Variants in EYS observed in about 807,000 individuals in gnomAD.
EYS encodes protein eyes shut homolog.
Under a neutral mutation model 282.1 loss-of-function variants are expected in EYS, and 250 were observed. The ratio of observed to expected loss-of-function variants is 0.89; its 90% CI spans 0.80 to 0.98. EYS has a LOEUF of 0.98. Among genes scored for constraint, EYS ranks in the 50% least tolerant of loss-of-function variants. EYS has a pLI of 0.00. For missense variants in EYS, 4,016 were observed against 3,709.0 expected, an observed-to-expected ratio of 1.08 and a Z score of -2.15; for synonymous variants, 1,355 against 1,282.9, an observed-to-expected ratio of 1.06 and a Z score of -1.20.
intron 29 of EYS, among the ~76,000 whole-genome samples, chr6:64,333,954 G>A (rs753692708): frequency 1.2e-4 from 19 of 152,138 alleles, no homozygotes; most frequent in African/African-American, 2.7e-4. Context: ...TACCTTGCCC[G>A]AATTTGCTAC....
chr6:64,131,702 C>T (rs905478645), intron 31 of EYS, among the ~76,000 whole-genome samples: 22 of 152,200 alleles, frequency 1.4e-4, no homozygotes, highest in African/African-American at 5.1e-4. Flanking sequence ...AAGAAGTAGT[C>T]GCTTACATTC....
intron 2 of EYS, among the ~76,000 whole-genome samples, chr6:65,581,661 T>C (rs986757967): frequency 6.6e-6 from 1 of 152,112 alleles, no homozygotes; most frequent in African/African-American, 2.4e-5. Flanking sequence ...ACCAAAATCC[T>C]TGTAATACTT....
intron 31 of EYS, among the ~76,000 whole-genome samples, chr6:64,132,883 A>G (rs1774030167): frequency 6.6e-6 from 1 of 152,036 alleles, no homozygotes; most frequent in Non-Finnish European, 1.5e-5. Flanking sequence ...TAAATTTTTC[A>G]TATAAAAATC....
Position 63,766,095 on chromosome 6 carries a change from A to G in EYS, c.7899-3462T>C, listed in dbSNP as rs1043391857. On this transcript the variant is annotated intron_variant, in intron 40 of 42. Coordinates refer to ENST00000503581, the MANE Select transcript of EYS (RefSeq NM_001142800.2). Reference sequence around the variant, plus strand: ...CTTAGCATATTTTTTTTGCTACTAGAAAAGGGGCCAGCAACCTTTTTCTGT... The same window carrying G: ...CTTAGCATATTTTTTTTGCTACTAGGAAAGGGGCCAGCAACCTTTTTCTGT... Among the ~76,000 whole-genome samples the G allele has an allele frequency of 2.6e-5, 4 of 152,036 alleles. No homozygotes were observed. In the East Asian group the frequency reaches 5.8e-4, roughly 22 times the overall value.
intron 29 of EYS, among the ~76,000 whole-genome samples, chr6:64,343,744 T>G (rs1020975000): frequency 1.3e-5 from 2 of 152,040 alleles, no homozygotes; most frequent in Non-Finnish European, 2.9e-5. Flanking sequence ...TAAAAAACCC[T>G]TCAAAAAATC....
intron 37 of EYS, among the ~76,000 whole-genome samples, chr6:63,805,629 C>A (rs1324251340): frequency 6.6e-6 from 1 of 152,176 alleles, no homozygotes; most frequent in Non-Finnish European, 1.5e-5. Flanking sequence ...TGTGTTCCCA[C>A]GCAAACCTCA....
chr6:65,175,832 C>T (rs993501101), intron 12 of EYS, among the ~76,000 whole-genome samples: 2 of 151,344 alleles, frequency 1.3e-5, no homozygotes, highest in South Asian at 2.1e-4. Context: ...AGAACCATAA[C>T]CTTTGTAGAA....
chr6:63,848,694 AG>A (rs1562058358), intron 36 of EYS, among the ~76,000 whole-genome samples: 1 of 152,130 alleles, frequency 6.6e-6, no homozygotes, highest in East Asian at 1.9e-4. Context: ...CCCTCAGACC[AG>A]GAGATTCTCT....
intron 5 of EYS, among the ~76,000 whole-genome samples, chr6:65,432,874 G>A (rs1446285415): frequency 6.6e-6 from 1 of 151,872 alleles, no homozygotes; most frequent in Non-Finnish European, 1.5e-5. Context: ...TTTTCTGAGG[G>A]ATTAAGTAAG....
Position 64,522,591 on chromosome 6 carries a change from C to A in EYS, c.5644+67632G>T, listed in dbSNP as rs1582849678. Among the ~76,000 whole-genome samples, 10 of 151,790 alleles carry A rather than the reference C, an allele frequency of 6.6e-5. 1 individual carries two copies. The South Asian group carries it at 2.1e-3, about 31-fold the overall frequency. On this transcript the variant is annotated intron_variant, in intron 26 of 42. Transcript: ENST00000503581. The stretch of plus-strand genomic sequence containing the variant: ...TGATAATCCCAAGGCCTCCTGAAAT[C>A]TCTCAAGCATATGAAATTGGGGAAT...
At chr6:64,572,968 C>T (rs1415445482) in intron 26 of EYS, among the ~76,000 whole-genome samples, 5 of 152,066 alleles carry the variant, frequency 3.3e-5, no homozygotes, top group African/African-American at 9.7e-5. Context: ...ATAGCCAAGA[C>T]AATCCTAAGA....
intron 36 of EYS, among the ~76,000 whole-genome samples, chr6:63,859,194 A>G (rs1242094468): frequency 6.9e-6 from 1 of 144,832 alleles, no homozygotes; most frequent in Admixed American, 7.2e-5. Context: ...TCCTACTTTG[A>G]CCACCCTTAA....
chr6:65,280,301 A>C (rs1198626756), intron 12 of EYS, among the ~76,000 whole-genome samples: 2 of 152,154 alleles, frequency 1.3e-5, no homozygotes, highest in Admixed American at 1.3e-4. Flanking sequence ...AGCACTGTAC[A>C]ACTACTGAGT....
chr6:63,909,054 G>A (rs1299766432), intron 35 of EYS, among the ~76,000 whole-genome samples: 1 of 152,086 alleles, frequency 6.6e-6, no homozygotes, highest in Non-Finnish European at 1.5e-5. Context: ...GGTGAGATAT[G>A]GAGGAAATGA....
intron 31 of EYS, among the ~76,000 whole-genome samples, chr6:64,100,627 A>G (rs1178343097): frequency 6.6e-6 from 1 of 152,090 alleles, no homozygotes; most frequent in Non-Finnish European, 1.5e-5. Context: ...TAGAATTTAC[A>G]TTTGCAAAAG....
In EYS at chr6:65,225,856, C is replaced by T. The variant is rs533643916; in HGVS notation, c.2023+70007G>A. 4.8e-4 allele frequency among the ~76,000 whole-genome samples: 73 copies of T among 151,388 alleles called. No homozygotes were observed. The South Asian group carries it at 9.4e-3, about 19-fold the overall frequency. ...ATCCAATGCACTTTTGTAATAAAAA[C>T]ACTCAAGAAACTACGAATACAAGGG... On this transcript the variant is annotated intron_variant, in intron 12 of 42. Transcript: ENST00000503581.
chr6:64,879,563 G>A (rs9342447), intron 19 of EYS, among the ~76,000 whole-genome samples: 23,536 of 151,948 alleles, frequency 0.15, 2,149 homozygotes, highest in East Asian at 0.49. Flanking sequence ...TGCAGAATGC[G>A]CTAAAAATAT....
chr6:64,673,138 A>G (rs1042733162), intron 22 of EYS, among the ~76,000 whole-genome samples: 39 of 152,256 alleles, frequency 2.6e-4, no homozygotes, highest in African/African-American at 6.3e-4. Context: ...AATTTCTGTA[A>G]AAACAAAATG....
At position 64,343,939 on chromosome 6, in the gene EYS, T is replaced by C. The variant is rs1330533330; in HGVS notation, c.6079-36857A>G. ...AATACTATAAACACCTCTACTCAAA[T>C]AAACTAGAAAATCTAGAAGAAATGG... On this transcript the variant is annotated intron_variant, in intron 29 of 42. Coordinates refer to ENST00000503581, the MANE Select transcript of EYS (RefSeq NM_001142800.2). 6.6e-5 allele frequency among the ~76,000 whole-genome samples: 10 copies of C among 152,114 alleles called. No individual in the cohort carries two copies. The East Asian group carries it at 1.9e-3, about 29-fold the overall frequency.
Sources: allele counts gnomAD v4.1 joint callset (sites outside exome capture counted in the v4.1 genomes callset), GRCh38; gene constraint gnomAD v4.1.1; transcripts MANE v1.5; gene names NCBI Gene and HGNC (gene_info 2026-07-23, HGNC 2026-07-21).